The following LANCL2 variants were observed in gnomAD, a reference collection of about 807,000 sequenced individuals.
LANCL2 encodes the protein LanC like glutathione S-transferase 2.
LANCL2 carries 33 observed loss-of-function variants against 56.9 expected under a neutral mutation model. The observed-to-expected ratio is 0.58, with a 90% CI of 0.44 to 0.78. The LOEUF is 0.78. Ranked by LOEUF, LANCL2 falls within the 30% of genes least tolerant of loss-of-function variation. The pLI is 0.00. For missense variants in LANCL2, 562 were observed against 580.2 expected, an observed-to-expected ratio of 0.97 and a Z score of 0.32; for synonymous variants, 233 against 228.2, an observed-to-expected ratio of 1.02 and a Z score of -0.19.
At chr7:55,375,543 C>T (rs1191324993) in intron 1 of LANCL2, among the ~76,000 whole-genome samples, 1 of 152,214 alleles carries the variant, frequency 6.6e-6, no homozygotes, top group Non-Finnish European at 1.5e-5. Flanking sequence ...GTTGCTTGGC[C>T]ATTCCAAAGC....
intron 6 of LANCL2, among the ~76,000 whole-genome samples, chr7:55,418,874 C>T (rs1007233692): frequency 2.0e-5 from 3 of 152,026 alleles, no homozygotes; most frequent in Non-Finnish European, 4.4e-5. Context: ...TATTCAAACG[C>T]TCCTATGGTT....
chr7:55,419,089 G>A (rs1790577286), intron 6 of LANCL2, among the ~76,000 whole-genome samples: 1 of 151,698 alleles, frequency 6.6e-6, no homozygotes, highest in African/African-American at 2.4e-5. Flanking sequence ...TAAAATCTTT[G>A]TTTTTATTAG....
intron 5 of LANCL2, among the ~76,000 whole-genome samples, chr7:55,404,402 A>G (rs1790380992): frequency 6.6e-6 from 1 of 152,226 alleles, no homozygotes; most frequent in Admixed American, 6.5e-5. Flanking sequence ...TAGATATCTT[A>G]GACTGGAAAA....
chr7:55,394,168 A>T (rs1172163680), intron 2 of LANCL2: 1 of 152,236 alleles, frequency 6.6e-6, no homozygotes, highest in Non-Finnish European at 1.5e-5. Flanking sequence ...TGTCTTTAGG[A>T]ATCATCATGG....
intron 1 of LANCL2, among the ~76,000 whole-genome samples, chr7:55,381,530 A>G (rs140572551): frequency 1.3e-5 from 2 of 152,368 alleles, no homozygotes; most frequent in East Asian, 3.9e-4. Flanking sequence ...TTGCAATTCA[A>G]TACAAGCAAG....
intron 4 of LANCL2, 148 bp from the exon 5 acceptor site, chr7:55,401,026 A>G (rs974184550): frequency 1.2e-4 from 55 of 441,430 alleles, no homozygotes; most frequent in South Asian, 3.8e-4. Flanking sequence ...AAATATAACT[A>G]TATTAGCTGC....
At chr7:55,402,279 C>T (rs1204095832) in intron 5 of LANCL2, among the ~76,000 whole-genome samples, 13 of 96,112 alleles carry the variant, frequency 1.4e-4, no homozygotes, top group Non-Finnish European at 2.0e-4. Context: ...CCGGACGGGG[C>T]GGCTGGCCGG....
chr7:55,371,969 G>A (rs1044616266), intron 1 of LANCL2, among the ~76,000 whole-genome samples: 1 of 152,054 alleles, frequency 6.6e-6, no homozygotes, highest in Admixed American at 6.5e-5. Context: ...ACTTCTCAGA[G>A]TGAGGTTTGT....
intron 5 of LANCL2, among the ~76,000 whole-genome samples, chr7:55,408,268 GAA>G (rs1419153435): frequency 1.3e-5 from 2 of 152,182 alleles, no homozygotes; most frequent in Non-Finnish European, 2.9e-5. Context: ...GAAAACGTAA[GAA>G]AGAGGATTAA....
intron 3 of LANCL2, among the ~76,000 whole-genome samples, chr7:55,399,191 T>C (rs1053860224): frequency 1.3e-5 from 2 of 151,784 alleles, no homozygotes; most frequent in East Asian, 3.9e-4. Flanking sequence ...GAGGATCACT[T>C]GAGCTCAGGA....
intron 1 of LANCL2, among the ~76,000 whole-genome samples, chr7:55,389,116 A>C (rs941537592): frequency 7.9e-5 from 12 of 152,156 alleles, no homozygotes; most frequent in African/African-American, 2.9e-4. Flanking sequence ...AAGGAAGCGA[A>C]TTTGATGTTT....
intron 6 of LANCL2, among the ~76,000 whole-genome samples, chr7:55,419,264 G>A (rs141361095): frequency 1.2e-3 from 185 of 151,750 alleles, no homozygotes; most frequent in African/African-American, 4.3e-3. Flanking sequence ...TTTTGCATCA[G>A]TTTTGTTAAT....
chr7:55,399,179 A>C (rs530790645), intron 3 of LANCL2, among the ~76,000 whole-genome samples: 4 of 152,070 alleles, frequency 2.6e-5, no homozygotes, highest in Admixed American at 2.6e-4. Flanking sequence ...AGGCTGAGGC[A>C]GGAGGATCAC....
chr7:55,415,003 A>AAAAAAG (rs1562868037), intron 6 of LANCL2, among the ~76,000 whole-genome samples: 4 of 76,222 alleles, frequency 5.2e-5, no homozygotes, highest in Admixed American at 1.1e-4. Flanking sequence ...AAAAAAAAAG[A>AAAAAAG]AAAGAAAAGA....
Position 55,398,534 on chromosome 7 carries a change from T to G in LANCL2, c.434T>G (p.Val145Gly). The change falls in exon 3 of 9, where the codon GTC (valine) becomes GGC (glycine). Residue 145 changes from valine to glycine, a missense_variant. Val to Gly is a moderately radical substitution (Grantham distance 109). Coordinates refer to ENST00000254770, the MANE Select transcript of LANCL2 (RefSeq NM_018697.4). ...RTLRNLNGRR[V>G]TFLCGDAGPL... ...CTTCGGAATCTGAATGGCCGCAGGG[T>G]CACCTTCCTCTGTGGGGATGCTGGC... 6.2e-7 allele frequency: 1 copy of G among 1,614,162 alleles called. No individual in the cohort carries two copies. The highest frequency in any genetic ancestry group is 8.5e-7 in the Non-Finnish European group (1 of 1,180,002).
At position 55,366,180 on chromosome 7, in the gene LANCL2, C is replaced by T. The variant is rs748242301; in HGVS notation, c.155C>T (p.Pro52Leu). The T allele has an allele frequency of 4.5e-6, 7 of 1,557,008 alleles. No individual in the cohort carries two copies. The highest frequency in any genetic ancestry group is 2.4e-5 in the East Asian group (1 of 41,258). Residue 52 changes from proline to leucine, a missense_variant, in exon 1 of 9, where the codon CCC becomes CTC. This residue lies in a region of LANCL2 where 184 missense variants were observed against 111.8 expected (regional missense o/e 1.65). Coordinates refer to ENST00000254770, the MANE Select transcript of LANCL2 (RefSeq NM_018697.4). ...GCCGAAGAGACAGGCTGTGTTCGTC[C>T]CCCGGCGACCACGGATGAGCCCGGC... ...GAAEETGCVR[P>L]PATTDEPGLP...
intron 1 of LANCL2, among the ~76,000 whole-genome samples, chr7:55,387,357 G>A (rs546963275): frequency 5.3e-5 from 8 of 152,140 alleles, no homozygotes; most frequent in Non-Finnish European, 8.8e-5. Context: ...AAAAAGAAAC[G>A]TTTTAGCACT....
chr7:55,398,601 T>A lies in LANCL2; in HGVS notation c.501T>A (p.Ser167Arg). The A allele has an allele frequency of 6.2e-7, 1 of 1,613,730 alleles. No individual in the cohort carries two copies. Among genetic ancestry groups the A allele is most frequent in the East Asian group, 2.2e-5 (1 of 44,886 alleles). Residue 167 changes from serine (S) to arginine (R), a missense_variant, in exon 3 of 9, where the codon AGT (serine) becomes AGA (arginine). Physicochemically the swap from Ser to Arg is moderately radical, Grantham distance 110. Coordinates refer to ENST00000254770, the MANE Select transcript of LANCL2 (RefSeq NM_018697.4). The stretch of plus-strand genomic sequence containing the variant: ...CTGTGATTTATCACAAACTCAGAAG[T>A]GACTGTGAGTCCCAGGAATGTGTCA... Reference protein sequence around the residue: ...VGAVIYHKLRSDCESQECVTK... With the variant: ...VGAVIYHKLRRDCESQECVTK...
rs1790301752 is a variant in LANCL2, at chr7:55,399,976, TC to T, written c.551del (p.Ser184TrpfsTer27). 2 of 1,612,810 alleles carry T rather than the reference TC, an allele frequency of 1.2e-6. No individual in the cohort carries two copies. The highest frequency in any genetic ancestry group is 2.7e-5 in the African/African-American group (2 of 74,910). The part of the protein sequence containing the change: ...CVTKLLQLQR[S>X]VVCQESDLPD... ...GGTTAGACTTTTGCAGCTCCAGAGA[TC>T]GGTTGTCTGCCAAGAATCAGACCTT... On this transcript the variant is annotated frameshift_variant, in exon 4 of 9. Transcript: ENST00000254770. LOFTEE classifies it high-confidence loss of function.
Sources: gnomAD v4.1 joint callset for allele counts (sites outside exome capture counted in the v4.1 genomes callset) on GRCh38, gnomAD v4.1.1 for gene constraint, gnomAD v4.1.1 regional missense constraint, MANE v1.5 for transcripts, NCBI Gene and HGNC (gene_info 2026-07-23, HGNC 2026-07-21) for gene names.